The following KMT2E variants were observed in gnomAD, a reference collection of about 807,000 sequenced individuals.
KMT2E encodes the protein lysine methyltransferase 2E (inactive), also known as histone reader KMT2E.
Under a neutral mutation model 184.6 loss-of-function variants are expected in KMT2E, and 30 were observed. The observed-to-expected ratio is 0.16, with a 90% CI of 0.12 to 0.22. KMT2E has a LOEUF of 0.22. Ranked by LOEUF, KMT2E falls within the 10% of genes least tolerant of loss-of-function variation. KMT2E has a pLI of 1.00. For synonymous variants in KMT2E, 815 were observed against 776.5 expected (o/e 1.05, Z -0.82); for missense variants, 2,023 against 2,237.4 (o/e 0.90, Z 1.93).
chr7:105,030,169 G>A (rs988037716), intron 1 of KMT2E, among the ~76,000 whole-genome samples: 1 of 152,214 alleles, frequency 6.6e-6, no homozygotes, highest in East Asian at 1.9e-4. Context: ...GTTAAGAAGG[G>A]AAGACATTAG....
chr7:105,108,255 C>T (rs1370980688), intron 22 of KMT2E, among the ~76,000 whole-genome samples: 2 of 151,836 alleles, frequency 1.3e-5, no homozygotes, highest in Non-Finnish European at 2.9e-5. Flanking sequence ...GTGTTATTAC[C>T]TTTATTGTAC....
chr7:105,059,136 A>G (rs1796690755), intron 3 of KMT2E, among the ~76,000 whole-genome samples: 1 of 152,200 alleles, frequency 6.6e-6, no homozygotes, highest in Admixed American at 6.5e-5. Flanking sequence ...GAAATGTAAC[A>G]CTTCTGTCCT....
chr7:105,068,260 CTT>C (rs949374428), intron 6 of KMT2E, among the ~76,000 whole-genome samples: 1 of 144,110 alleles, frequency 6.9e-6, no homozygotes, highest in African/African-American at 2.6e-5. Context: ...GGTTCAATTT[CTT>C]TTTTTTTTTA....
Position 105,112,836 on chromosome 7 carries a change from C to A in KMT2E, c.5080C>A (p.Pro1694Thr). ...PGPAPHHHPPPHPSTGLQGLQ... is the reference protein window; with the variant it reads ...PGPAPHHHPPTHPSTGLQGLQ... Reference sequence around the variant, plus strand: ...TCCTGCCCCTCATCACCATCCACCACCCCATCCATCCACAGGACTCCAAGG... The same window carrying A: ...TCCTGCCCCTCATCACCATCCACCAACCCATCCATCCACAGGACTCCAAGG... Residue 1694 changes from proline (P) to threonine (T), a missense_variant, in exon 27 of 27, where the codon CCC becomes ACC. By Grantham distance (38) the Pro-to-Thr change is conservative. Transcript: ENST00000311117. 6.2e-7 allele frequency: 1 copy of A among 1,604,798 alleles called. No individual in the cohort carries two copies. Among genetic ancestry groups the A allele is most frequent in the Non-Finnish European group, 8.5e-7 (1 of 1,176,004 alleles).
Position 105,074,782 on chromosome 7 carries a change from G to A in KMT2E, c.696G>A (p.Gly232=). The change falls in exon 8 of 27, where the codon GGG becomes GGA. Residue 232 remains glycine (G), a synonymous_variant. Coordinates refer to ENST00000311117, the MANE Select transcript of KMT2E (RefSeq NM_182931.3). ...ATGATAAAAGAAGGAAAAAAAGCGG[G>A]GAGAAAGAACAACACATTTCAAAAT... The part of the protein sequence containing the change: ...KVNDKRRKKS[G]EKEQHISKCK... The A allele has an allele frequency of 6.2e-7, 1 of 1,608,720 alleles. No individual in the cohort carries two copies.
chr7:105,062,791 C>T (rs1486619621), intron 4 of KMT2E, among the ~76,000 whole-genome samples: 2 of 151,646 alleles, frequency 1.3e-5, no homozygotes, highest in Non-Finnish European at 2.9e-5. Context: ...TATTGCATAT[C>T]TAGTAAGAGG....
At chr7:105,019,880 G>A (rs1794875549) in intron 1 of KMT2E, among the ~76,000 whole-genome samples, 1 of 152,084 alleles carries the variant, frequency 6.6e-6, no homozygotes, top group Non-Finnish European at 1.5e-5. Flanking sequence ...GCCGAGGCAG[G>A]CGGATCATTT....
chr7:105,084,922 G>A (rs1012738370), intron 13 of KMT2E, among the ~76,000 whole-genome samples: 1 of 151,998 alleles, frequency 6.6e-6, no homozygotes, highest in African/African-American at 2.4e-5. Context: ...TGTAAGGTCT[G>A]TATGTGTGTG....
At chr7:105,080,137 A>G (rs913235924) in intron 12 of KMT2E, among the ~76,000 whole-genome samples, 5 of 152,144 alleles carry the variant, frequency 3.3e-5, no homozygotes, top group Admixed American at 3.3e-4. Flanking sequence ...ATGAGCCACC[A>G]GGTCCAGCCT....
chr7:105,049,688 C>T (rs1796248724), intron 3 of KMT2E, among the ~76,000 whole-genome samples: 1 of 152,150 alleles, frequency 6.6e-6, no homozygotes, highest in Non-Finnish European at 1.5e-5. Flanking sequence ...ATCAGGAATT[C>T]GAGACCAGCC....
chr7:105,058,393 ACCTAAGACTCTTAGCAT>A (rs1381678229), intron 3 of KMT2E, among the ~76,000 whole-genome samples: 1 of 152,180 alleles, frequency 6.6e-6, no homozygotes, highest in East Asian at 1.9e-4. Flanking sequence ...TCAACCTTCT[ACCTAAGACTCTTAGCAT>A]CCATGGTTAT....
At position 105,076,994 on chromosome 7, in the gene KMT2E, A is replaced by G. The variant is rs1481805983; in HGVS notation, c.800A>G (p.Asp267Gly). ...GSAPEIDPSS[D>G]GSNFGWETKI... ...GCTCCAGAGATTGATCCTTCATCTG[A>G]TGGTTCAAATTTTGGATGGGAGACA... The change falls in exon 10 of 27, where the codon GAT becomes GGT. Residue 267 changes from aspartate to glycine, a missense_variant. Transcript: ENST00000311117. 5 of 1,613,190 alleles carry G rather than the reference A, an allele frequency of 3.1e-6. No homozygotes were observed. In the South Asian group the frequency reaches 4.4e-5, roughly 14 times the overall value.
chr7:105,033,997 G>C (rs1795531596), intron 1 of KMT2E, among the ~76,000 whole-genome samples: 1 of 152,128 alleles, frequency 6.6e-6, no homozygotes, highest in Non-Finnish European at 1.5e-5. Context: ...TCTTGCCAGA[G>C]ATAATGCTCT....
At chr7:105,102,275 T>G in intron 17 of KMT2E, 81 bp downstream of exon 17, 2 of 1,229,274 alleles carry the variant, frequency 1.6e-6, no homozygotes, top group Non-Finnish European at 2.2e-6. Flanking sequence ...AATTGGATTT[T>G]TAAGACCTCA....
intron 3 of KMT2E, among the ~76,000 whole-genome samples, chr7:105,058,105 TG>T (rs1219029030): frequency 6.6e-6 from 1 of 152,252 alleles, no homozygotes; most frequent in African/African-American, 2.4e-5. Flanking sequence ...TTTAACATTC[TG>T]GAGTTGGCTG....
intron 3 of KMT2E, among the ~76,000 whole-genome samples, chr7:105,051,412 C>T (rs1252324517): frequency 4.0e-5 from 6 of 150,048 alleles, no homozygotes; most frequent in East Asian, 2.0e-4. Context: ...CTCAAACTCC[C>T]GACCTCAGGT....
chr7:105,089,924 G>T lies in KMT2E; in HGVS notation c.1359-85G>T, dbSNP rs1798132167. 7 of 1,539,574 alleles carry T rather than the reference G, an allele frequency of 4.5e-6. No homozygotes were observed. The East Asian group carries it at 1.6e-4, about 35-fold the overall frequency. On this transcript the variant is annotated intron_variant, in intron 13 of 26. Transcript: ENST00000311117. ...ATTAATAGTAATTGCATACAATTTT[G>T]TGGAGTTGCAGCTTAAAATGGATTA...
chr7:105,026,129 C>G (rs1022777504), intron 1 of KMT2E, among the ~76,000 whole-genome samples: 1 of 152,108 alleles, frequency 6.6e-6, no homozygotes, highest in Non-Finnish European at 1.5e-5. Flanking sequence ...TCCATGTTAA[C>G]TTTGATGAAC....
intron 13 of KMT2E, among the ~76,000 whole-genome samples, chr7:105,087,262 CAT>C (rs1369877745): frequency 1.5e-5 from 2 of 137,604 alleles, no homozygotes; most frequent in Non-Finnish European, 3.0e-5. Context: ...TCAACATGAG[CAT>C]ATATATAATA....
Sources: gnomAD v4.1 joint callset for allele counts (sites outside exome capture counted in the v4.1 genomes callset) on GRCh38, gnomAD v4.1.1 for gene constraint, MANE v1.5 for transcripts, NCBI Gene and HGNC (gene_info 2026-07-23, HGNC 2026-07-21) for gene names.